Variants in RALYL observed in about 807,000 individuals in gnomAD.
RALYL encodes RALY RNA binding protein like, also known as RNA-binding Raly-like protein.
Under a neutral mutation model 35.1 loss-of-function variants are expected in RALYL, and 29 were observed. The observed-to-expected ratio is 0.83, with a 90% confidence interval of 0.61 to 1.13. The LOEUF (loss-of-function observed/expected upper bound fraction) is 1.13. Ranked by LOEUF, RALYL falls within the 50% of genes most tolerant of loss-of-function variation. The pLI is 0.00. For missense variants in RALYL, 359 were observed against 360.4 expected (o/e 1.00, Z 0.03); for synonymous variants, 120 against 127.6 (o/e 0.94, Z 0.40).
chr8:84,896,479 T>C (rs923325221), intron 8 of RALYL, among the ~76,000 whole-genome samples: 3 of 152,212 alleles, frequency 2.0e-5, no homozygotes, highest in Admixed American at 6.5e-5. Flanking sequence ...GGCTATTTCA[T>C]TGTACTTAAA....
intron 2 of RALYL, among the ~76,000 whole-genome samples, chr8:84,725,102 T>C (rs559322839): frequency 1.3e-5 from 2 of 151,776 alleles, no homozygotes; most frequent in Non-Finnish European, 3.0e-5. Context: ...ATTTTTCTAC[T>C]GCCTAAGATC....
intron 2 of RALYL, among the ~76,000 whole-genome samples, chr8:84,657,306 T>C (rs965768309): frequency 6.6e-6 from 1 of 152,194 alleles, no homozygotes; most frequent in African/African-American, 2.4e-5. Flanking sequence ...ATCAAATTAG[T>C]TTTCTTTTAC....
At chr8:84,892,608 CT>C (rs112710210) in intron 8 of RALYL, among the ~76,000 whole-genome samples, 112 of 134,360 alleles carry the variant, frequency 8.3e-4, no homozygotes, top group Admixed American at 1.0e-3. Flanking sequence ...AAAACTCTGT[CT>C]TAAAAAAAAA....
At chr8:84,854,330 G>A (rs1235938855) in intron 5 of RALYL, among the ~76,000 whole-genome samples, 1 of 151,142 alleles carries the variant, frequency 6.6e-6, no homozygotes, top group Non-Finnish European at 1.5e-5. Context: ...TGGGGACAGA[G>A]CGAAACTCCG....
intron 1 of RALYL, among the ~76,000 whole-genome samples, chr8:84,292,521 A>G (rs111690260): frequency 0.013 from 1,913 of 152,224 alleles, 56 homozygotes; most frequent in African/African-American, 0.043. Flanking sequence ...TGGTTAAGGT[A>G]TTCTAAGTCA....
At chr8:84,644,811 G>T (rs1827136149) in intron 2 of RALYL, among the ~76,000 whole-genome samples, 1 of 151,632 alleles carries the variant, frequency 6.6e-6, no homozygotes, top group Non-Finnish European at 1.5e-5. Context: ...GAGTGCAGTG[G>T]TTCAATTTTG....
intron 1 of RALYL, among the ~76,000 whole-genome samples, chr8:84,187,660 C>G (rs1033461995): frequency 6.6e-6 from 1 of 151,764 alleles, no homozygotes; most frequent in African/African-American, 2.4e-5. Flanking sequence ...ATAAATGATG[C>G]CTTAAGAATA....
chr8:84,917,477 T>G (rs988629014), intron 8 of RALYL, among the ~76,000 whole-genome samples: 1 of 151,762 alleles, frequency 6.6e-6, no homozygotes, highest in African/African-American at 2.4e-5. Flanking sequence ...ACAAACAATT[T>G]AATTATTCTC....
intron 2 of RALYL, among the ~76,000 whole-genome samples, chr8:84,761,856 T>C (rs1812785870): frequency 6.6e-6 from 1 of 152,134 alleles, no homozygotes. Context: ...GAGTTATAAA[T>C]CCTTTGGAAA....
At chr8:84,732,670 A>ATATATATATATGTGTATG (rs1846421417) in intron 2 of RALYL, among the ~76,000 whole-genome samples, 1 of 136,174 alleles carries the variant, frequency 7.3e-6, no homozygotes, top group African/African-American at 2.9e-5. Context: ...TTAAATAATT[A>ATATATATATATGTGTATG]TATATATATA....
intron 1 of RALYL, among the ~76,000 whole-genome samples, chr8:84,462,270 T>A (rs187602253): frequency 1.3e-4 from 20 of 151,836 alleles, no homozygotes; most frequent in African/African-American, 4.8e-4. Flanking sequence ...AGATATTTTG[T>A]CCATGTTTTA....
chr8:84,524,919 T>C, intron 1 of RALYL, among the ~76,000 whole-genome samples: 1 of 151,836 alleles, frequency 6.6e-6, no homozygotes, highest in Non-Finnish European at 1.5e-5. Context: ...TTCTCTAGGT[T>C]TGAATGAAAC....
chr8:84,550,449 C>T (rs1411015992), intron 2 of RALYL, among the ~76,000 whole-genome samples: 3 of 151,968 alleles, frequency 2.0e-5, no homozygotes, highest in South Asian at 2.1e-4. Flanking sequence ...CCTTATGTTC[C>T]TCTCATGATA....
intron 1 of RALYL, among the ~76,000 whole-genome samples, chr8:84,208,002 G>A (rs976226926): frequency 2.0e-5 from 3 of 152,048 alleles, no homozygotes; most frequent in Non-Finnish European, 2.9e-5. Context: ...TAACTTGTTA[G>A]GGGGTTATTA....
chr8:84,899,300 T>A (rs1162179045), intron 8 of RALYL, among the ~76,000 whole-genome samples: 3 of 152,086 alleles, frequency 2.0e-5, no homozygotes, highest in Admixed American at 6.6e-5. Flanking sequence ...TAACTTACTA[T>A]ATTGTAATTA....
In RALYL at chr8:84,214,647, A is replaced by G. The variant is rs73295634; in HGVS notation, c.-24+30223A>G. Among the ~76,000 whole-genome samples the G allele has an allele frequency of 8.3e-4, 127 of 152,158 alleles. 1 individual carries two copies. Among genetic ancestry groups the G allele is most frequent in the African/African-American group, 2.7e-3 (113 of 41,532 alleles). ...ACCTAACTGGCAAGAGTTAGTTGAG[A>G]CATTTTTACTGAATTGTATATTAAC... On this transcript the variant is annotated intron_variant, in intron 1 of 8. Transcript: ENST00000521268.
chr8:84,760,050 C>T (rs902301896), intron 2 of RALYL, among the ~76,000 whole-genome samples: 5 of 152,036 alleles, frequency 3.3e-5, no homozygotes, highest in Admixed American at 6.6e-5. Flanking sequence ...ATGCCAAAAC[C>T]CTTTTAATAT....
chr8:84,467,601 GA>G (rs1279869419), intron 1 of RALYL, among the ~76,000 whole-genome samples: 6 of 151,180 alleles, frequency 4.0e-5, no homozygotes, highest in East Asian at 2.0e-4. Context: ...GTGTGGTGCT[GA>G]AAAAAATGTA....
chr8:84,493,803 G>T (rs2055631151), intron 1 of RALYL, among the ~76,000 whole-genome samples: 1 of 152,008 alleles, frequency 6.6e-6, no homozygotes, highest in African/African-American at 2.4e-5. Context: ...CTGTATATTA[G>T]ATCTTTGTCA....
Sources: allele counts gnomAD v4.1 joint callset (sites outside exome capture counted in the v4.1 genomes callset), GRCh38; gene constraint gnomAD v4.1.1; transcripts MANE v1.5; gene names NCBI Gene and HGNC (gene_info 2026-07-23, HGNC 2026-07-21).